The following PLCB4 variants were observed in gnomAD, a reference collection of about 807,000 sequenced individuals.
PLCB4 encodes phospholipase C beta 4.
In PLCB4, 77 loss-of-function variants were observed where a neutral mutation model predicts 178.8. That is an observed-to-expected ratio of 0.43 (90% CI 0.36 to 0.52). PLCB4 has a LOEUF of 0.52. PLCB4 is among the 20% of genes least tolerant of loss of function. PLCB4 has a pLI of 0.00. For synonymous variants in PLCB4, 496 were observed against 490.8 expected, an observed-to-expected ratio of 1.01 and a Z score of -0.14; for missense variants, 1,024 against 1,453.4, an observed-to-expected ratio of 0.70 and a Z score of 4.80.
intron 25 of PLCB4, among the ~76,000 whole-genome samples, chr20:9,418,291 C>T (rs73248748): frequency 0.044 from 6,736 of 152,066 alleles, 505 homozygotes; most frequent in African/African-American, 0.15. Context: ...TTGGCTCTTG[C>T]ATTTAGTTAT....
chr20:9,300,281 G>A (rs146972225), intron 3 of PLCB4, among the ~76,000 whole-genome samples: 1 of 152,024 alleles, frequency 6.6e-6, no homozygotes, highest in African/African-American at 2.4e-5. Flanking sequence ...TAAGGTCATG[G>A]GTTATTTGGT....
intron 7 of PLCB4, among the ~76,000 whole-genome samples, chr20:9,360,417 A>G (rs1372398079): frequency 6.6e-6 from 1 of 152,216 alleles, no homozygotes; most frequent in Non-Finnish European, 1.5e-5. Flanking sequence ...TTATTTCGAC[A>G]AACAACTAAA....
At chr20:9,333,821 G>A (rs1193369681) in intron 4 of PLCB4, among the ~76,000 whole-genome samples, 2 of 151,998 alleles carry the variant, frequency 1.3e-5, no homozygotes, top group East Asian at 3.9e-4. Flanking sequence ...GAAAAGATGA[G>A]GGAAAATTAA....
intron 2 of PLCB4, among the ~76,000 whole-genome samples, chr20:9,133,089 A>T (rs2092308523): frequency 6.6e-6 from 1 of 151,988 alleles, no homozygotes; most frequent in Non-Finnish European, 1.5e-5. Context: ...TTCTAATTTC[A>T]TACCTCTGAC....
intron 4 of PLCB4, among the ~76,000 whole-genome samples, chr20:9,331,782 CTA>C (rs1238787913): frequency 6.6e-5 from 10 of 152,182 alleles, no homozygotes; most frequent in Non-Finnish European, 1.0e-4. Context: ...AAAACATACT[CTA>C]TCTTTGATAA....
At chr20:9,353,025 TC>T (rs2034483037) in intron 7 of PLCB4, among the ~76,000 whole-genome samples, 1 of 152,218 alleles carries the variant, frequency 6.6e-6, no homozygotes, top group African/African-American at 2.4e-5. Flanking sequence ...GCTCTCTTTT[TC>T]CCCCTTTCAA....
chr20:9,443,925 G>T, intron 30 of PLCB4, 56 bp from the exon 31 acceptor site: 1 of 989,918 alleles, frequency 1.0e-6, no homozygotes, highest in Non-Finnish European at 1.6e-6. Context: ...TATATTACCA[G>T]TTATTCTCTC....
intron 2 of PLCB4, among the ~76,000 whole-genome samples, chr20:9,121,369 G>A (rs1444659217): frequency 1.3e-5 from 2 of 151,966 alleles, no homozygotes; most frequent in Admixed American, 6.6e-5. Flanking sequence ...GGCTCTGAAC[G>A]CCGCTTACGT....
intron 3 of PLCB4, among the ~76,000 whole-genome samples, chr20:9,305,255 G>A (rs566154077): frequency 2.0e-5 from 3 of 151,922 alleles, no homozygotes; most frequent in African/African-American, 7.2e-5. Flanking sequence ...TTTTAAAAGA[G>A]GCTCGAGTTT....
chr20:9,261,288 C>T (rs748426451), intron 3 of PLCB4, among the ~76,000 whole-genome samples: 1 of 151,720 alleles, frequency 6.6e-6, no homozygotes, highest in African/African-American at 2.4e-5. Flanking sequence ...CATATATGTG[C>T]GTGTGCATTG....
intron 2 of PLCB4, among the ~76,000 whole-genome samples, chr20:9,181,513 T>C (rs1270167831): frequency 1.3e-5 from 2 of 152,186 alleles, no homozygotes; most frequent in Non-Finnish European, 2.9e-5. Context: ...TTGTGGAGGC[T>C]GGAAGTCCAA....
intron 9 of PLCB4, 50 bp from the exon 10 acceptor site, chr20:9,371,164 A>G: frequency 8.5e-7 from 1 of 1,173,496 alleles, no homozygotes; most frequent in East Asian, 2.3e-5. Context: ...CATCAGAGAA[A>G]ACATAATGAA....
intron 4 of PLCB4, among the ~76,000 whole-genome samples, chr20:9,332,672 G>A (rs1018482191): frequency 2.0e-5 from 3 of 152,078 alleles, no homozygotes; most frequent in Non-Finnish European, 2.9e-5. Flanking sequence ...GAGCTGGATG[G>A]GCACCTGGTA....
intron 10 of PLCB4, among the ~76,000 whole-genome samples, chr20:9,371,633 G>C (rs1489518923): frequency 4.6e-5 from 7 of 152,064 alleles, no homozygotes; most frequent in Non-Finnish European, 8.8e-5. Flanking sequence ...TTTTATTTTA[G>C]AGAAGCTCAC....
chr20:9,153,013 G>A (rs13041550), intron 2 of PLCB4, among the ~76,000 whole-genome samples: 20,256 of 152,092 alleles, frequency 0.13, 1,424 homozygotes, highest in Middle Eastern at 0.18. Flanking sequence ...GACTTGTATC[G>A]GCCCTGTAAC....
chr20:9,203,140 G>A (rs2093571227), intron 2 of PLCB4, among the ~76,000 whole-genome samples: 1 of 150,458 alleles, frequency 6.6e-6, no homozygotes, highest in African/African-American at 2.4e-5. Context: ...TAGGCATTTG[G>A]GGGTTCTTGT....
chr20:9,085,106 G>A (rs1227846583), intron 1 of PLCB4, among the ~76,000 whole-genome samples: 1 of 151,092 alleles, frequency 6.6e-6, no homozygotes, highest in East Asian at 1.9e-4. Flanking sequence ...ATTATTACTT[G>A]AGTGAGCTTT....
chr20:9,409,470 T>A (rs1030974615), intron 24 of PLCB4, among the ~76,000 whole-genome samples: 3 of 152,208 alleles, frequency 2.0e-5, no homozygotes, highest in Non-Finnish European at 2.9e-5. Context: ...TCATTTTTCT[T>A]CCTTTTGGAT....
chr20:9,295,704 C>T (rs985017044), intron 3 of PLCB4, among the ~76,000 whole-genome samples: 5 of 152,060 alleles, frequency 3.3e-5, no homozygotes, highest in African/African-American at 1.2e-4. Context: ...TTGTTTTTGT[C>T]AGGTTTGTCA....
Sources: gnomAD v4.1 joint callset for allele counts (sites outside exome capture counted in the v4.1 genomes callset) on GRCh38, gnomAD v4.1.1 for gene constraint, MANE v1.5 for transcripts, NCBI Gene and HGNC (gene_info 2026-07-23, HGNC 2026-07-21) for gene names.